The following CRYL1 variants were observed in gnomAD, a reference collection of about 807,000 sequenced individuals.
CRYL1 encodes the protein lambda-crystallin homolog.
Under a neutral mutation model 36.6 loss-of-function variants are expected in CRYL1, and 29 were observed. The observed-to-expected ratio is 0.79, with a 90% CI of 0.59 to 1.08. The LOEUF (loss-of-function observed/expected upper bound fraction) is 1.08, where lower values mean the gene tolerates loss of function less well. Among genes scored for constraint, CRYL1 ranks in the 50% least tolerant of loss-of-function variants. The pLI, the probability that CRYL1 is intolerant of heterozygous loss-of-function variation, is 0.00. For missense variants in CRYL1, 411 were observed against 407.9 expected, an observed-to-expected ratio of 1.01 and a Z score of -0.06; for synonymous variants, 152 against 151.5, an observed-to-expected ratio of 1.00 and a Z score of -0.02.
intron 3 of CRYL1, among the ~76,000 whole-genome samples, chr13:20,463,139 A>G (rs1443419733): frequency 6.6e-6 from 1 of 152,220 alleles, no homozygotes; most frequent in Non-Finnish European, 1.5e-5. Context: ...CAGGCAGCCC[A>G]GAGGAGACCT....
chr13:20,522,296 G>T (rs1238589645), intron 1 of CRYL1, among the ~76,000 whole-genome samples: 2 of 151,984 alleles, frequency 1.3e-5, no homozygotes. Context: ...GTTGCAGTGA[G>T]CTGAGATGGT....
chr13:20,434,435 C>T lies in CRYL1; in HGVS notation c.439-2139G>A, dbSNP rs150220525. On this transcript the variant is annotated intron_variant, in intron 4 of 7. Transcript: ENST00000298248. The stretch of plus-strand genomic sequence containing the variant: ...GCACTCTGCAAAACGCACCAATCAG[C>T]GCTCTGTAAAATGCACCAATCAGCA... Among the ~76,000 whole-genome samples, 124 of 152,058 alleles carry T rather than the reference C, an allele frequency of 8.2e-4. 1 individual carries two copies. Among genetic ancestry groups the T allele is most frequent in the African/African-American group, 2.9e-3 (119 of 41,492 alleles).
At chr13:20,508,848 C>CAAAAAAAAAAAAAAAAAAAAAA (rs1179533995) in intron 2 of CRYL1, among the ~76,000 whole-genome samples, 1 of 10,448 alleles carries the variant, frequency 9.6e-5, no homozygotes, top group African/African-American at 3.2e-4. Flanking sequence ...AGCGAGACTC[C>CAAAAAAAAAAAAAAAAAAAAAA]AAAAAAAAAA....
Position 20,420,701 on chromosome 13 carries a change from T to TTTTTTTTTTTTTTGTGTG in CRYL1, c.634-7315_634-7314insCACACAAAAAAAAAAAAA. Among the ~76,000 whole-genome samples the TTTTTTTTTTTTTTGTGTG allele has an allele frequency of 9.6e-4, 21 of 21,872 alleles. 4 individuals carry two copies. In the South Asian group the frequency reaches 9.8e-3, roughly 10 times the overall value. The allele number at this position is 21,872 out of a possible 152,430, so 14.3% of individuals were successfully genotyped here. On this transcript the variant is annotated intron_variant, in intron 5 of 7. Coordinates refer to ENST00000298248, the MANE Select transcript of CRYL1 (RefSeq NM_015974.3). The stretch of plus-strand genomic sequence containing the variant: ...CTTTGACTTTTCTTTAAAATAGAGG[T>TTTTTTTTTTTTTTGTGTG]TGTGTGTGTGTGTGTGTGTGTGTGT...
chr13:20,472,970 G>C (rs1451531534), intron 3 of CRYL1: 2 of 152,210 alleles, frequency 1.3e-5, no homozygotes, highest in East Asian at 3.9e-4. Context: ...ACTCACTTTT[G>C]GGCCTCTTCT....
At chr13:20,462,667 G>A (rs886997641) in intron 3 of CRYL1, among the ~76,000 whole-genome samples, 2 of 151,558 alleles carry the variant, frequency 1.3e-5, no homozygotes, top group African/African-American at 4.9e-5. Context: ...CTCATCGGAA[G>A]GGCAGTTTAC....
chr13:20,420,346 C>G (rs7339185), intron 5 of CRYL1, among the ~76,000 whole-genome samples: 1 of 152,144 alleles, frequency 6.6e-6, no homozygotes. Context: ...GGTCTCCCCT[C>G]TGGGAGGCAT....
chr13:20,405,840 C>T (rs2031356917), intron 6 of CRYL1: 1 of 152,374 alleles, frequency 6.6e-6, no homozygotes, highest in Admixed American at 6.5e-5. Flanking sequence ...GGGGAAAGCG[C>T]AGGCCAGTCA....
intron 3 of CRYL1, among the ~76,000 whole-genome samples, chr13:20,460,679 C>T (rs562595981): frequency 6.6e-6 from 1 of 151,976 alleles, no homozygotes; most frequent in Non-Finnish European, 1.5e-5. Flanking sequence ...GCGCCCGCCA[C>T]TACGCCCGGC....
intron 6 of CRYL1, among the ~76,000 whole-genome samples, chr13:20,409,028 G>A (rs575290710): frequency 6.6e-6 from 1 of 152,272 alleles, no homozygotes; most frequent in African/African-American, 2.4e-5. Flanking sequence ...CCAAAACAGA[G>A]CCCGCATCAC....
At chr13:20,451,587 A>G (rs546241016) in intron 3 of CRYL1, among the ~76,000 whole-genome samples, 1 of 152,344 alleles carries the variant, frequency 6.6e-6, no homozygotes, top group African/African-American at 2.4e-5. Flanking sequence ...ACAATGAGAT[A>G]CCATCTCACA....
intron 5 of CRYL1, chr13:20,430,662 C>T: frequency 3.0e-6 from 3 of 985,364 alleles, no homozygotes; most frequent in Non-Finnish European, 3.6e-6. Context: ...ACCAGAATCC[C>T]AAACCCTTCC....
rs188545412 is a variant in CRYL1, at chr13:20,481,124, A to T, written c.276+8246T>A. Reference sequence around the variant, plus strand: ...GGCTGTGGCAGGAAGCTAGTAGAACATTAGGACAGAATGTTTTCACACTTC... The same window carrying T: ...GGCTGTGGCAGGAAGCTAGTAGAACTTTAGGACAGAATGTTTTCACACTTC... On this transcript the variant is annotated intron_variant, in intron 3 of 7. Transcript: ENST00000298248. This position sits in a 1 kb window ranked among gnomAD's most constrained non-coding sequence, Gnocchi z 4.1. Among the ~76,000 whole-genome samples, 135 of 152,376 alleles carry T rather than the reference A, an allele frequency of 8.9e-4. 1 individual carries two copies. Among genetic ancestry groups the T allele is most frequent in the Admixed American group, 3.8e-3 (58 of 15,308 alleles).
At chr13:20,439,834 C>A in intron 3 of CRYL1, 80 bp from the exon 4 acceptor site, 1 of 1,349,946 alleles carries the variant, frequency 7.4e-7, no homozygotes, top group East Asian at 2.3e-5. Flanking sequence ...TTGTTTCATT[C>A]CTCAAATGAA....
intron 6 of CRYL1, among the ~76,000 whole-genome samples, chr13:20,412,715 G>A (rs2137366124): frequency 6.6e-6 from 1 of 152,212 alleles, no homozygotes; most frequent in South Asian, 2.1e-4. Context: ...CAGATAATGG[G>A]CTCAGACCTA....
intron 3 of CRYL1, among the ~76,000 whole-genome samples, chr13:20,482,555 T>C (rs2033298898): frequency 6.6e-6 from 1 of 152,252 alleles, no homozygotes; most frequent in South Asian, 2.1e-4. Context: ...GGTTTCTTTC[T>C]TGCGTGCTCC....
intron 1 of CRYL1, among the ~76,000 whole-genome samples, chr13:20,522,136 G>A (rs1351753003): frequency 6.6e-6 from 1 of 152,132 alleles, no homozygotes; most frequent in Non-Finnish European, 1.5e-5. Context: ...GATCAGTTGA[G>A]GCCAGGAGTT....
chr13:20,407,069 T>C (rs1456911289), intron 6 of CRYL1, among the ~76,000 whole-genome samples: 1 of 148,882 alleles, frequency 6.7e-6, no homozygotes, highest in Non-Finnish European at 1.5e-5. Context: ...CTACAAAACT[T>C]TTATTCTGTT....
intron 5 of CRYL1, among the ~76,000 whole-genome samples, chr13:20,429,414 C>T (rs776972561): frequency 2.0e-5 from 3 of 152,166 alleles, no homozygotes; most frequent in Admixed American, 6.5e-5. Flanking sequence ...AGCAACTATA[C>T]GGATTTGCAA....
Sources: allele counts gnomAD v4.1 joint callset (sites outside exome capture counted in the v4.1 genomes callset), GRCh38; gene constraint gnomAD v4.1.1; non-coding constraint Gnocchi (gnomAD v3.1); transcripts MANE v1.5; gene names NCBI Gene and HGNC (gene_info 2026-07-23, HGNC 2026-07-21).